The following CFAP91 variants were observed in gnomAD, a reference collection of about 807,000 sequenced individuals.
CFAP91 encodes cilia and flagella associated protein 91, also known as cilia- and flagella-associated protein 91.
A neutral mutation model predicts 95.9 loss-of-function variants in CFAP91; 85 were observed. The observed-to-expected ratio is 0.89, with a 90% CI of 0.74 to 1.06. The LOEUF is 1.06. CFAP91 is among the 50% of genes least tolerant of loss of function. CFAP91 has a pLI of 0.00. For synonymous variants in CFAP91, 335 were observed against 327.5 expected, an observed-to-expected ratio of 1.02 and a Z score of -0.25; for missense variants, 962 against 943.4, an observed-to-expected ratio of 1.02 and a Z score of -0.26.
rs576288363 is a variant in CFAP91, at chr3:119,708,137, C to T, written c.360-454C>T. Among the ~76,000 whole-genome samples the T allele has an allele frequency of 5.3e-4, 80 of 151,796 alleles. 1 individual carries two copies. Among genetic ancestry groups the T allele is most frequent in the African/African-American group, 1.6e-3 (68 of 41,360 alleles). On this transcript the variant is annotated intron_variant, in intron 3 of 17. Transcript: ENST00000273390. ...TCTACTAAAAATACAAAAAGTTAGC[C>T]GGGTGTGGTGGCAGGTGCCTGTAGT...
chr3:119,747,949 A>G (rs1350061011), intron 16 of CFAP91, 47 bp downstream of exon 16: 4 of 1,337,664 alleles, frequency 3.0e-6, no homozygotes, highest in Non-Finnish European at 4.2e-6. Context: ...AAAGATGTAA[A>G]TTATTTTCAA....
intron 11 of CFAP91, among the ~76,000 whole-genome samples, chr3:119,738,364 T>G (rs1352007543): frequency 8.3e-6 from 1 of 120,256 alleles, no homozygotes; most frequent in Non-Finnish European, 1.6e-5. Context: ...TTTTTTTTTT[T>G]TTGAGACAGA....
intron 17 of CFAP91, among the ~76,000 whole-genome samples, chr3:119,757,499 T>A (rs1294100769): frequency 1.3e-5 from 2 of 151,516 alleles, no homozygotes; most frequent in African/African-American, 4.9e-5. Context: ...AAAAAAAAAT[T>A]AGCCAGGCAT....
In CFAP91 at chr3:119,732,441, T is replaced by G; in HGVS notation, c.1166T>G (p.Phe389Cys). 6.2e-7 allele frequency: 1 copy of G among 1,608,046 alleles called. No individual in the cohort carries two copies. The highest frequency in any genetic ancestry group is 8.5e-7 in the Non-Finnish European group (1 of 1,178,274). ...TTCCCAGACAACAACTCAGAGGACT[T>G]TGTAGTAAAAAACTACTATCTCAAC... The part of the protein sequence containing the change: ...GCFPDNNSED[F>C]VVKNYYLNTY... The change falls in exon 9 of 18, where the codon TTT becomes TGT. Residue 389 changes from phenylalanine to cysteine, a missense_variant. Transcript: ENST00000273390.
chr3:119,743,812 G>A (rs1290809827), intron 13 of CFAP91, among the ~76,000 whole-genome samples, 163 bp from the exon 14 acceptor site: 1 of 152,214 alleles, frequency 6.6e-6, no homozygotes, highest in Non-Finnish European at 1.5e-5. Flanking sequence ...TTCCTCATAA[G>A]AACTTGGGTT....
chr3:119,714,706 A>G (rs2053542881), intron 5 of CFAP91, among the ~76,000 whole-genome samples: 1 of 152,210 alleles, frequency 6.6e-6, no homozygotes, highest in Non-Finnish European at 1.5e-5. Flanking sequence ...CTTTTTATAT[A>G]GAAAGGCTAT....
intron 10 of CFAP91, among the ~76,000 whole-genome samples, chr3:119,735,920 T>C (rs914183963): frequency 6.6e-6 from 1 of 152,078 alleles, no homozygotes; most frequent in Non-Finnish European, 1.5e-5. Flanking sequence ...CTTATACTTA[T>C]ATCGATCTAA....
intron 14 of CFAP91, among the ~76,000 whole-genome samples, chr3:119,746,751 A>G (rs924392516): frequency 3.9e-5 from 6 of 152,206 alleles, no homozygotes; most frequent in African/African-American, 1.2e-4. Context: ...AATACCTCCT[A>G]GTCTGTGCTA....
chr3:119,744,311 G>C, intron 14 of CFAP91, 115 bp downstream of exon 14: 1 of 764,356 alleles, frequency 1.3e-6, no homozygotes, highest in Non-Finnish European at 2.1e-6. Context: ...AGTTCCTACT[G>C]TATGCCAGGC....
rs1402593870 is a variant in CFAP91 at position 119,766,734 on chromosome 3, A to C, written c.*1684A>C. ...AGCAGCACTCGATGACACAGAAATG[A>C]ATGCACATGACTGTGTTCCAGTAAA... On this transcript the variant is annotated 3_prime_UTR_variant, in exon 18 of 18. Transcript: ENST00000273390. 2.0e-5 allele frequency: 3 copies of C among 152,226 alleles called. No homozygotes were observed. Among genetic ancestry groups the C allele is most frequent in the Non-Finnish European group, 4.4e-5 (3 of 68,038 alleles). The allele number at this position is 152,226 out of a possible 1,614,324, so 9.4% of individuals were successfully genotyped here.
chr3:119,715,946 G>A (rs1361063041), intron 6 of CFAP91: 10 of 603,036 alleles, frequency 1.7e-5, no homozygotes, highest in East Asian at 8.2e-5. Context: ...TAGTTTTATC[G>A]TACTCTATCT....
At chr3:119,723,146 T>C (rs2053718955) in intron 6 of CFAP91, among the ~76,000 whole-genome samples, 1 of 152,140 alleles carries the variant, frequency 6.6e-6, no homozygotes, top group African/African-American at 2.4e-5. Context: ...ATATATGTAA[T>C]TCATGAACCA....
chr3:119,744,105 A>G lies in CFAP91; in HGVS notation c.1811A>G (p.Glu604Gly), dbSNP rs1213279487. The change falls in exon 14 of 18, where the codon GAG (glutamate) becomes GGG (glycine). Residue 604 changes from glutamate (E) to glycine (G), a missense_variant. Coordinates refer to ENST00000273390, the MANE Select transcript of CFAP91 (RefSeq NM_033364.4). ...RRIHAFVMLA[E>G]RQRRVREAEE... The stretch of plus-strand genomic sequence containing the variant: ...ATCCATGCCTTTGTCATGCTGGCTG[A>G]GCGCCAGCGGCGGGTACGAGAGGCT... 1.2e-6 allele frequency: 2 copies of G among 1,614,064 alleles called. No homozygotes were observed. Among genetic ancestry groups the G allele is most frequent in the Non-Finnish European group, 1.7e-6 (2 of 1,180,020 alleles).
At chr3:119,763,540 A>G (rs2054575646) in intron 17 of CFAP91, among the ~76,000 whole-genome samples, 1 of 152,122 alleles carries the variant, frequency 6.6e-6, no homozygotes, top group Admixed American at 6.6e-5. Flanking sequence ...AGCATTAATC[A>G]CAATAGCCAA....
chr3:119,714,712 G>A (rs1159959084), intron 5 of CFAP91, among the ~76,000 whole-genome samples: 1 of 152,036 alleles, frequency 6.6e-6, no homozygotes, highest in African/African-American at 2.4e-5. Context: ...ATATAGAAAG[G>A]CTATTTAAAC....
intron 17 of CFAP91, among the ~76,000 whole-genome samples, chr3:119,761,098 GA>G (rs1323987768): frequency 3.3e-5 from 5 of 150,268 alleles, no homozygotes; most frequent in African/African-American, 1.2e-4. Context: ...TCGGTATTTT[GA>G]AAAGATAAAA....
At chr3:119,709,920 C>A in intron 5 of CFAP91, 25 bp downstream of exon 5, 2 of 1,531,298 alleles carry the variant, frequency 1.3e-6, no homozygotes, top group Non-Finnish European at 1.8e-6. Flanking sequence ...TTTGAAAACT[C>A]TTTTTCAGTT....
Position 119,739,261 on chromosome 3 carries a change from G to A in CFAP91, c.1468G>A (p.Glu490Lys). The A allele has an allele frequency of 6.2e-7, 1 of 1,614,006 alleles. No homozygotes were observed. The highest frequency in any genetic ancestry group is 1.1e-5 in the South Asian group (1 of 91,080). Residue 490 changes from glutamate (E) to lysine (K), a missense_variant, in exon 12 of 18, where the codon GAA becomes AAA. Physicochemically the swap from Glu to Lys is moderately conservative, Grantham distance 56. Coordinates refer to ENST00000273390, the MANE Select transcript of CFAP91 (RefSeq NM_033364.4). ...TCTCCCTTTGTTCTTTTAGGAAGAA[G>A]AAGAAATGGAAATGGCTGTGATCTA... ...PTLEMTSNEE[E>K]EMEMAVIYLQ...
chr3:119,703,318 A>G (rs2053293956), intron 1 of CFAP91, 96 bp downstream of exon 1: 1 of 1,543,918 alleles, frequency 6.5e-7, no homozygotes, highest in Non-Finnish European at 8.8e-7. Flanking sequence ...GGCGAACGAA[A>G]CACGACCCTC....
Sources: allele counts gnomAD v4.1 joint callset (sites outside exome capture counted in the v4.1 genomes callset), GRCh38; gene constraint gnomAD v4.1.1; transcripts MANE v1.5; gene names NCBI Gene and HGNC (gene_info 2026-07-23, HGNC 2026-07-21).